The following LRP1B variants were observed in gnomAD, a reference collection of about 807,000 sequenced individuals.
LRP1B encodes the protein low-density lipoprotein receptor-related protein 1B.
LRP1B carries 217 observed loss-of-function variants against 556.6 expected under a neutral mutation model. The observed-to-expected ratio is 0.39, with a 90% CI of 0.35 to 0.44. The LOEUF is 0.44. LRP1B is among the 20% of genes least tolerant of loss of function. The probability of loss-of-function intolerance (pLI) is 1.00; values close to 1 mark genes in which losing one functional copy is unlikely to be tolerated. For synonymous variants in LRP1B, 2,047 were observed against 1,865.8 expected (o/e 1.10, Z -2.50); for missense variants, 5,053 against 5,620.8 (o/e 0.90, Z 3.23).
chr2:140,858,992 T>C (rs1692703775), intron 27 of LRP1B, among the ~76,000 whole-genome samples: 2 of 152,086 alleles, frequency 1.3e-5, no homozygotes, highest in Non-Finnish European at 1.5e-5. Flanking sequence ...TTAGATTTTC[T>C]TTTTTTCTGA....
intron 2 of LRP1B, among the ~76,000 whole-genome samples, chr2:141,508,136 T>C (rs1183397441): frequency 6.6e-6 from 1 of 151,776 alleles, no homozygotes; most frequent in Non-Finnish European, 1.5e-5. Context: ...TAGCTCTAAT[T>C]GTCTTTGGAA....
intron 29 of LRP1B, among the ~76,000 whole-genome samples, chr2:140,849,198 TACAAAA>T (rs1390936759): frequency 1.2e-4 from 2 of 16,918 alleles, no homozygotes; most frequent in African/African-American, 2.8e-4. Flanking sequence ...CTACTAAAAA[TACAAAA>T]AAAAAAAAAA....
chr2:141,860,990 C>G (rs568870884), intron 1 of LRP1B, among the ~76,000 whole-genome samples: 1 of 152,116 alleles, frequency 6.6e-6, no homozygotes, highest in Non-Finnish European at 1.5e-5. Context: ...AAAGCAAATT[C>G]GTATATTGCA....
chr2:140,788,405 A>G (rs1170582543), intron 32 of LRP1B, among the ~76,000 whole-genome samples: 1 of 152,206 alleles, frequency 6.6e-6, no homozygotes, highest in Non-Finnish European at 1.5e-5. Context: ...GTCTAGGGAC[A>G]TACATTTTCA....
chr2:141,995,116 T>C (rs754346706), intron 1 of LRP1B, among the ~76,000 whole-genome samples: 2 of 152,168 alleles, frequency 1.3e-5, no homozygotes, highest in African/African-American at 4.8e-5. Context: ...ATTAGTTTTC[T>C]ATTGCTGCTA....
At chr2:141,546,130 T>C (rs1010712613) in intron 2 of LRP1B, among the ~76,000 whole-genome samples, 1 of 152,066 alleles carries the variant, frequency 6.6e-6, no homozygotes, top group Non-Finnish European at 1.5e-5. Flanking sequence ...CTTGACACAA[T>C]TAAACCAGAA....
At chr2:141,440,072 A>T (rs1430562042) in intron 3 of LRP1B, among the ~76,000 whole-genome samples, 2 of 152,164 alleles carry the variant, frequency 1.3e-5, no homozygotes, top group Non-Finnish European at 2.9e-5. Context: ...CTTCCAGGGC[A>T]CGTTGAAAAT....
chr2:140,623,421 G>A (rs1683527881), intron 41 of LRP1B, among the ~76,000 whole-genome samples: 1 of 151,410 alleles, frequency 6.6e-6, no homozygotes, highest in Admixed American at 6.6e-5. Flanking sequence ...TCCTTATCTA[G>A]TACACCAGAT....
chr2:141,922,635 G>A (rs1700221448), intron 1 of LRP1B, among the ~76,000 whole-genome samples: 1 of 152,072 alleles, frequency 6.6e-6, no homozygotes, highest in Admixed American at 6.5e-5. Context: ...TGAACTGAAT[G>A]GAATAAATTG....
chr2:140,855,660 T>A (rs529501001), intron 27 of LRP1B, among the ~76,000 whole-genome samples: 1 of 152,074 alleles, frequency 6.6e-6, no homozygotes, highest in Non-Finnish European at 1.5e-5. Flanking sequence ...TCTTGTTTAT[T>A]TTTGTTAAAG....
At chr2:140,596,046 A>G (rs1303794229) in intron 43 of LRP1B, among the ~76,000 whole-genome samples, 4 of 152,194 alleles carry the variant, frequency 2.6e-5, no homozygotes, top group Non-Finnish European at 2.9e-5. Flanking sequence ...CAATGGGTAT[A>G]TCTAAACATG....
At chr2:141,944,445 T>C (rs1201848200) in intron 1 of LRP1B, among the ~76,000 whole-genome samples, 5 of 152,144 alleles carry the variant, frequency 3.3e-5, no homozygotes, top group Admixed American at 6.6e-5. Flanking sequence ...TTGCAGTTAG[T>C]GTGTGGACCT....
intron 1 of LRP1B, among the ~76,000 whole-genome samples, chr2:142,110,325 T>A (rs2104987377): frequency 6.6e-6 from 1 of 152,242 alleles, no homozygotes; most frequent in South Asian, 2.1e-4. Flanking sequence ...AAAATCTTTA[T>A]TTTTAACTGA....
intron 3 of LRP1B, among the ~76,000 whole-genome samples, chr2:141,272,957 A>G (rs553788711): frequency 3.5e-4 from 53 of 152,340 alleles, no homozygotes; most frequent in African/African-American, 1.3e-3. Context: ...GCAACATTAT[A>G]AACAACTAGA....
chr2:142,073,315 A>G (rs1295844937), intron 1 of LRP1B, among the ~76,000 whole-genome samples: 1 of 152,038 alleles, frequency 6.6e-6, no homozygotes, highest in Non-Finnish European at 1.5e-5. Flanking sequence ...AGTCTTAAAA[A>G]CTATAGAGAC....
intron 1 of LRP1B, among the ~76,000 whole-genome samples, chr2:141,954,203 G>A (rs1701187546): frequency 6.6e-6 from 1 of 151,978 alleles, no homozygotes. Flanking sequence ...AATTGGTTTT[G>A]GAGTCCTATA....
chr2:141,108,631 T>C (rs1159872109), intron 7 of LRP1B, among the ~76,000 whole-genome samples: 2 of 152,098 alleles, frequency 1.3e-5, no homozygotes, highest in Non-Finnish European at 2.9e-5. Flanking sequence ...ATTGCAGGTA[T>C]GAGCCACCGT....
chr2:141,760,599 G>A (rs1252638236), intron 2 of LRP1B, among the ~76,000 whole-genome samples: 3 of 152,110 alleles, frequency 2.0e-5, no homozygotes, highest in African/African-American at 2.4e-5. Flanking sequence ...ATATTTTACT[G>A]GACTATACAC....
chr2:140,283,638 A>G (rs1427168444), intron 84 of LRP1B, among the ~76,000 whole-genome samples: 1 of 151,788 alleles, frequency 6.6e-6, no homozygotes. Context: ...AGTGAGTGAC[A>G]TATGGGGTGG....
Sources: allele counts gnomAD v4.1 joint callset (sites outside exome capture counted in the v4.1 genomes callset), GRCh38; gene constraint gnomAD v4.1.1; transcripts MANE v1.5; gene names NCBI Gene and HGNC (gene_info 2026-07-23, HGNC 2026-07-21).